RNF168: variants seen among roughly 807,000 people sequenced by gnomAD.
RNF168 encodes E3 ubiquitin-protein ligase RNF168.
Under a neutral mutation model 34.9 loss-of-function variants are expected in RNF168, and 34 were observed. The ratio of observed to expected loss-of-function variants is 0.97; its 90% CI spans 0.74 to 1.30. The LOEUF (loss-of-function observed/expected upper bound fraction) is 1.30. Ranked by LOEUF, RNF168 falls within the 50% of genes most tolerant of loss-of-function variation. The probability of loss-of-function intolerance (pLI) is 0.00; values close to 1 mark genes in which losing one functional copy is unlikely to be tolerated. For missense variants in RNF168, 725 were observed against 682.5 expected (o/e 1.06, Z -0.69); for synonymous variants, 264 against 254.7 (o/e 1.04, Z -0.35).
At chr3:196,489,673 G>A (rs1045735733) in intron 1 of RNF168, among the ~76,000 whole-genome samples, 3 of 152,184 alleles carry the variant, frequency 2.0e-5, no homozygotes, top group Admixed American at 2.0e-4. Context: ...GGAAGGCAAT[G>A]AAATAGAGAT....
intron 4 of RNF168, among the ~76,000 whole-genome samples, chr3:196,476,307 T>C (rs1344895033): frequency 6.6e-6 from 1 of 152,226 alleles, no homozygotes; most frequent in Non-Finnish European, 1.5e-5. Context: ...CTGGAAATGT[T>C]GGCTGTTCAC....
At chr3:196,500,859 G>C (rs566974534) in intron 1 of RNF168, among the ~76,000 whole-genome samples, 6,775 of 145,780 alleles carry the variant, frequency 0.046, 241 homozygotes, top group Middle Eastern at 0.15. Flanking sequence ...CTACAGGCGC[G>C]TGCCAACATG....
intron 1 of RNF168, among the ~76,000 whole-genome samples, chr3:196,499,011 A>C (rs1224001579): frequency 6.6e-6 from 1 of 151,950 alleles, no homozygotes; most frequent in Non-Finnish European, 1.5e-5. Context: ...AAAAAGAATA[A>C]ATCTTGAACC....
chr3:196,474,878 T>A (rs1486967961), intron 5 of RNF168: 2 of 268,872 alleles, frequency 7.4e-6, no homozygotes, highest in Non-Finnish European at 1.5e-5. Flanking sequence ...CCTGTTTTTG[T>A]AAACAAAGTT....
chr3:196,482,141 C>T (rs1732308662), intron 4 of RNF168, among the ~76,000 whole-genome samples: 1 of 152,078 alleles, frequency 6.6e-6, no homozygotes, highest in Admixed American at 6.6e-5. Flanking sequence ...CACGTAAAGC[C>T]TTCTAAATAC....
rs1460940485 is a variant in RNF168, at chr3:196,470,294, A to G, written c.*1525T>C. ...ATCAGTTTCAATGATCCAGACTGTC[A>G]GTCACCCCATCCAGCCACATCCTCA... On this transcript the variant is annotated 3_prime_UTR_variant, in exon 6 of 6. Transcript: ENST00000318037. 1 of 152,418 alleles carries G rather than the reference A, an allele frequency of 6.6e-6. No homozygotes were observed. The highest frequency in any genetic ancestry group is 1.5e-5 in the Non-Finnish European group (1 of 68,632). 9.4% of individuals were successfully genotyped at this position (152,418 alleles called of 1,614,324 possible).
At chr3:196,480,208 T>C (rs1311572591) in intron 4 of RNF168, among the ~76,000 whole-genome samples, 1 of 152,166 alleles carries the variant, frequency 6.6e-6, no homozygotes, top group East Asian at 1.9e-4. Flanking sequence ...CACTTTAAAA[T>C]ATATGTTTGC....
At chr3:196,496,535 A>G (rs1732747514) in intron 1 of RNF168, among the ~76,000 whole-genome samples, 1 of 151,928 alleles carries the variant, frequency 6.6e-6, no homozygotes, top group South Asian at 2.1e-4. Flanking sequence ...TTTTAACTTC[A>G]TTACTGAAAA....
Position 196,483,824 on chromosome 3 carries a change from G to C in RNF168, c.626C>G (p.Pro209Arg), listed in dbSNP as rs1033229265. ...GTTCTTACTTTTCTTTTCAGACTTGGGTGTAACTGGATCAGATTTTCTGGA... is the reference window on the plus strand; with the variant it reads ...GTTCTTACTTTTCTTTTCAGACTTGCGTGTAACTGGATCAGATTTTCTGGA... Reference protein sequence around the residue: ...LNSRKSDPVTPKSEKKSKNKQ... With the variant: ...LNSRKSDPVTRKSEKKSKNKQ... The change falls in exon 4 of 6, where the codon CCC (proline) becomes CGC (arginine). Residue 209 changes from proline (P) to arginine (R), a missense_variant. By Grantham distance (103) the Pro-to-Arg change is moderately radical (BLOSUM62 -2). Transcript: ENST00000318037. The C allele has an allele frequency of 6.2e-7, 1 of 1,607,172 alleles. No individual in the cohort carries two copies.
intron 4 of RNF168, among the ~76,000 whole-genome samples, chr3:196,481,571 C>T (rs1301212210): frequency 6.6e-6 from 1 of 151,090 alleles, no homozygotes; most frequent in Non-Finnish European, 1.5e-5. Flanking sequence ...ATTATCATCT[C>T]GTGTATTTCA....
At chr3:196,485,822 A>C (rs1424556126) in intron 3 of RNF168, among the ~76,000 whole-genome samples, 1 of 152,156 alleles carries the variant, frequency 6.6e-6, no homozygotes, top group Non-Finnish European at 1.5e-5. Context: ...ATTCAATGGT[A>C]AGTGTATGTT....
intron 4 of RNF168, among the ~76,000 whole-genome samples, chr3:196,478,321 T>TA (rs1732197434): frequency 6.6e-6 from 1 of 152,216 alleles, no homozygotes; most frequent in Admixed American, 6.5e-5. Flanking sequence ...GCCTGTAAAC[T>TA]ACTCTTGTGC....
At chr3:196,478,089 G>C (rs1305759965) in intron 4 of RNF168, among the ~76,000 whole-genome samples, 3 of 152,252 alleles carry the variant, frequency 2.0e-5, no homozygotes, top group African/African-American at 7.2e-5. Context: ...AAACAAAACA[G>C]AAATACAGGA....
intron 1 of RNF168, among the ~76,000 whole-genome samples, chr3:196,489,349 CAG>C (rs886341084): frequency 7.4e-5 from 11 of 148,770 alleles, no homozygotes; most frequent in African/African-American, 2.5e-4. Context: ...TTTTTTGAGA[CAG>C]AGTCTTGCTC....
Position 196,480,737 on chromosome 3 carries a change from G to A in RNF168, c.680+3033C>T, listed in dbSNP as rs1447605079. ...AGCTCACTGCAGCCGTAACCTCCCA[G>A]GCTCAAGTGATCCTCCTGCCTCAGC... On this transcript the variant is annotated intron_variant, in intron 4 of 5. Transcript: ENST00000318037. 2.0e-5 allele frequency among the ~76,000 whole-genome samples: 3 copies of A among 152,140 alleles called. No individual in the cohort carries two copies. The East Asian group carries it at 5.8e-4, about 29-fold the overall frequency.
chr3:196,491,064 C>G (rs1732583077), intron 1 of RNF168, among the ~76,000 whole-genome samples: 1 of 152,196 alleles, frequency 6.6e-6, no homozygotes, highest in East Asian at 1.9e-4. Flanking sequence ...CCTGTAATCC[C>G]AGCACTTTGG....
At chr3:196,498,068 A>C (rs957516847) in intron 1 of RNF168, among the ~76,000 whole-genome samples, 3 of 152,228 alleles carry the variant, frequency 2.0e-5, no homozygotes, top group Non-Finnish European at 2.9e-5. Flanking sequence ...AGATAACATC[A>C]AAAGTTGGTA....
At chr3:196,482,539 G>A (rs77611843) in intron 4 of RNF168, among the ~76,000 whole-genome samples, 2,458 of 152,194 alleles carry the variant, frequency 0.016, 65 homozygotes, top group African/African-American at 0.056. Flanking sequence ...CTGCAGCCAC[G>A]ATACCACTTT....
At chr3:196,486,642 A>G (rs1732430968) in intron 3 of RNF168, among the ~76,000 whole-genome samples, 1 of 152,248 alleles carries the variant, frequency 6.6e-6, no homozygotes, top group Non-Finnish European at 1.5e-5. Flanking sequence ...GCAAGAAAAA[A>G]GTTGTAAGAA....
Sources: gnomAD v4.1 joint callset for allele counts (sites outside exome capture counted in the v4.1 genomes callset) on GRCh38, gnomAD v4.1.1 for gene constraint, MANE v1.5 for transcripts, NCBI Gene and HGNC (gene_info 2026-07-23, HGNC 2026-07-21) for gene names.